NXPE2: variants seen among roughly 807,000 people sequenced by gnomAD.
NXPE2 encodes neurexophilin and PC-esterase domain family member 2, also known as NXPE family member 2.
A neutral mutation model predicts 34.4 loss-of-function variants in NXPE2; 34 were observed. That is an observed-to-expected ratio of 0.99 (90% CI 0.75 to 1.31). NXPE2 has a LOEUF of 1.31. Ranked by LOEUF, NXPE2 falls within the 40% of genes most tolerant of loss-of-function variation. The pLI, the probability that NXPE2 is intolerant of heterozygous loss-of-function variation, is 0.00. For missense variants in NXPE2, 649 were observed against 672.5 expected (o/e 0.97, Z 0.39); for synonymous variants, 235 against 231.3 (o/e 1.02, Z -0.15).
the NXPE2 span, among the ~76,000 whole-genome samples, chr11:114,558,897 A>G: frequency 6.6e-6 from 1 of 152,206 alleles, no homozygotes; most frequent in East Asian, 1.9e-4. Context: ...AGTTGATTAT[A>G]TGTATAGCTG....
chr11:114,517,130 T>C, the NXPE2 span, among the ~76,000 whole-genome samples: 1 of 152,220 alleles, frequency 6.6e-6, no homozygotes, highest in Non-Finnish European at 1.5e-5. Context: ...AACCTTGTTC[T>C]TCCTTACAGC....
At chr11:114,594,827 CAAACATGGG>C in the NXPE2 span, 1 of 896,244 alleles carries the variant, frequency 1.1e-6, no homozygotes, top group African/African-American at 1.7e-5. Flanking sequence ...GAAAAGCAAA[CAAACATGGG>C]AAACATTTGA....
chr11:114,742,037 A>T, the NXPE2 span, among the ~76,000 whole-genome samples: 1 of 150,506 alleles, frequency 6.6e-6, no homozygotes, highest in Admixed American at 6.6e-5. Context: ...CCCACTTCAT[A>T]CCTCTTGTTC....
chr11:114,522,791 A>G, the NXPE2 span: 1 of 945,928 alleles, frequency 1.1e-6, no homozygotes, highest in Non-Finnish European at 1.6e-6. Flanking sequence ...GTAAAAAACA[A>G]AATAGCTCAA....
At chr11:114,563,439 C>T in the NXPE2 span, among the ~76,000 whole-genome samples, 1 of 152,130 alleles carries the variant, frequency 6.6e-6, no homozygotes, top group Non-Finnish European at 1.5e-5. Context: ...TGGGATGCCA[C>T]GTGTGGACGC....
At chr11:114,619,214 G>A in the NXPE2 span, among the ~76,000 whole-genome samples, 1 of 151,858 alleles carries the variant, frequency 6.6e-6, no homozygotes, top group South Asian at 2.1e-4. Flanking sequence ...TGCCTCTAGG[G>A]TAACCACTCT....
the NXPE2 span, chr11:114,528,766 G>C: frequency 2.8e-5 from 18 of 632,550 alleles, no homozygotes; most frequent in Middle Eastern, 2.5e-4. Context: ...TGAGGACCCA[G>C]GTGCCAAGTA....
chr11:114,676,030 C>T (rs914577972), upstream of NXPE2, among the ~76,000 whole-genome samples: 15 of 151,844 alleles, frequency 9.9e-5, no homozygotes, highest in African/African-American at 3.6e-4. Context: ...ATGGTGCTGA[C>T]AGAACTGCAT....
chr11:114,637,015 C>T, the NXPE2 span, among the ~76,000 whole-genome samples: 18 of 152,196 alleles, frequency 1.2e-4, no homozygotes, highest in South Asian at 1.2e-3. Context: ...TCCTGGGTAT[C>T]GTTGTTGACT....
chr11:114,570,739 T>C, the NXPE2 span: 1 of 481,938 alleles, frequency 2.1e-6, no homozygotes, highest in Non-Finnish European at 3.6e-6. Context: ...TTCATGAGTA[T>C]TTTTAGTTTT....
the NXPE2 span, among the ~76,000 whole-genome samples, chr11:114,803,274 A>G: frequency 6.6e-6 from 1 of 152,272 alleles, no homozygotes; most frequent in Admixed American, 6.5e-5. Context: ...AGAAAAACTG[A>G]CAACCCGAAC....
chr11:114,589,023 T>G, the NXPE2 span, among the ~76,000 whole-genome samples: 2 of 152,150 alleles, frequency 1.3e-5, no homozygotes, highest in Non-Finnish European at 2.9e-5. Context: ...AGAGAAGGAC[T>G]GAGGCTCTGG....
the NXPE2 span, among the ~76,000 whole-genome samples, chr11:114,770,116 C>T: frequency 6.6e-6 from 1 of 152,198 alleles, no homozygotes; most frequent in African/African-American, 2.4e-5. Flanking sequence ...TTCAAATCTG[C>T]AAAGATCTTT....
the NXPE2 span, among the ~76,000 whole-genome samples, chr11:114,493,669 A>G: frequency 6.6e-6 from 1 of 152,050 alleles, no homozygotes; most frequent in Non-Finnish European, 1.5e-5. Flanking sequence ...ACTGTATACT[A>G]TGTCTTGAAA....
intron 2 of NXPE2, among the ~76,000 whole-genome samples, chr11:114,689,459 G>C (rs761773446): frequency 2.6e-4 from 39 of 151,952 alleles, no homozygotes; most frequent in Non-Finnish European, 5.3e-4. Context: ...TGCTTGGTAT[G>C]ATTTCAATAT....
the NXPE2 span, chr11:114,527,810 A>G: frequency 5.9e-6 from 9 of 1,528,244 alleles, no homozygotes; most frequent in Non-Finnish European, 8.0e-6. Flanking sequence ...TCCTCTGAGC[A>G]TCACCTAACT....
At chr11:114,753,956 A>G in the NXPE2 span, among the ~76,000 whole-genome samples, 1 of 151,572 alleles carries the variant, frequency 6.6e-6, no homozygotes, top group Non-Finnish European at 1.5e-5. Flanking sequence ...AAAGTACTGT[A>G]GCAGTGAAGG....
chr11:114,478,209 C>T, the NXPE2 span, among the ~76,000 whole-genome samples: 22 of 152,178 alleles, frequency 1.4e-4, no homozygotes, highest in Admixed American at 2.6e-4. Context: ...TAGTACTTCT[C>T]ATATCTCTGT....
chr11:114,643,656 T>C, the NXPE2 span, among the ~76,000 whole-genome samples: 1 of 152,150 alleles, frequency 6.6e-6, no homozygotes. Context: ...TTTTCATTAC[T>C]GTAGCCTTGT....
Sources: gnomAD v4.1 joint callset for allele counts (sites outside exome capture counted in the v4.1 genomes callset) on GRCh38, gnomAD v4.1.1 for gene constraint, MANE v1.5 for transcripts, NCBI Gene and HGNC (gene_info 2026-07-23, HGNC 2026-07-21) for gene names.